Variants in SDK2 observed in about 807,000 individuals in gnomAD.
SDK2 encodes sidekick cell adhesion molecule 2, also known as protein sidekick-2.
Under a neutral mutation model 253.9 loss-of-function variants are expected in SDK2, and 105 were observed. The ratio of observed to expected loss-of-function variants is 0.41; its 90% CI spans 0.35 to 0.49. The LOEUF (loss-of-function observed/expected upper bound fraction) is 0.49. Ranked by LOEUF, SDK2 falls within the 20% of genes least tolerant of loss-of-function variation. The pLI is 0.06. For synonymous variants in SDK2, 1,249 were observed against 1,234.9 expected (o/e 1.01, Z -0.24); for missense variants, 2,608 against 3,003.0 (o/e 0.87, Z 3.07).
intron 2 of SDK2, among the ~76,000 whole-genome samples, chr17:73,494,847 G>A (rs1020813130): frequency 4.6e-5 from 7 of 152,214 alleles, no homozygotes; most frequent in African/African-American, 7.2e-5. Flanking sequence ...GTGGGGGCAC[G>A]GGCTGCGTGC....
rs1202299717 is a variant in SDK2, at chr17:73,612,196, C to A, written c.64+31829G>T. Among the ~76,000 whole-genome samples, 1 of 152,222 alleles carries A rather than the reference C, an allele frequency of 6.6e-6. No homozygotes were observed. The highest frequency in any genetic ancestry group is 2.4e-5 in the African/African-American group (1 of 41,450). On this transcript the variant is annotated intron_variant, in intron 1 of 44. Transcript: ENST00000392650. The surrounding 1 kb of genome is among the most constrained non-coding windows in gnomAD (Gnocchi z 4.4). ...GCGAGGAAAGATAAATGCAAGTACA[C>A]CACAGTGGTGGCCCAGCTGCACCCG...
At chr17:73,480,678 G>A (rs994576445) in intron 2 of SDK2, among the ~76,000 whole-genome samples, 2 of 152,116 alleles carry the variant, frequency 1.3e-5, no homozygotes, top group South Asian at 4.1e-4. Context: ...GAGATCTAGG[G>A]AGAAAGAGAG....
intron 3 of SDK2, among the ~76,000 whole-genome samples, chr17:73,456,491 G>A (rs895199135): frequency 2.6e-5 from 4 of 152,104 alleles, no homozygotes; most frequent in South Asian, 2.1e-4. Context: ...TCAGCATGGC[G>A]GGGGTTCCTG....
chr17:73,608,235 C>T (rs567023731), intron 1 of SDK2, among the ~76,000 whole-genome samples: 1 of 152,044 alleles, frequency 6.6e-6, no homozygotes, highest in South Asian at 2.1e-4. Flanking sequence ...GTAGACTGTC[C>T]CTCCCTTTAT....
intron 3 of SDK2, among the ~76,000 whole-genome samples, chr17:73,468,680 T>A (rs2063621391): frequency 6.7e-6 from 1 of 148,728 alleles, no homozygotes. Context: ...CCTGGCTAAT[T>A]TTTTTTTTAA....
intron 27 of SDK2, among the ~76,000 whole-genome samples, chr17:73,392,776 A>G (rs1447231190): frequency 6.6e-6 from 1 of 151,650 alleles, no homozygotes; most frequent in Non-Finnish European, 1.5e-5. Context: ...GTGCGGGGAG[A>G]TAGGAGGGGG....
intron 1 of SDK2, among the ~76,000 whole-genome samples, chr17:73,548,734 G>C (rs562116489): frequency 1.5e-3 from 221 of 152,350 alleles, no homozygotes; most frequent in Non-Finnish European, 2.4e-3. Flanking sequence ...CACACTGTCT[G>C]GGGGAAGTAG....
chr17:73,628,385 A>G (rs1398274132), intron 1 of SDK2, among the ~76,000 whole-genome samples: 2 of 152,228 alleles, frequency 1.3e-5, no homozygotes, highest in East Asian at 1.9e-4. Flanking sequence ...ATAATGGGAA[A>G]ATATGCTTCC....
At chr17:73,553,539 C>T (rs1157618531) in intron 1 of SDK2, among the ~76,000 whole-genome samples, 1 of 152,152 alleles carries the variant, frequency 6.6e-6, no homozygotes. Flanking sequence ...CAGGGAGCTG[C>T]CCTCTCAGAA....
intron 1 of SDK2, among the ~76,000 whole-genome samples, chr17:73,521,694 T>C (rs1383061060): frequency 6.6e-6 from 1 of 152,168 alleles, no homozygotes; most frequent in East Asian, 1.9e-4. Context: ...GCCTTGGTTT[T>C]GCTAGAGGAT....
chr17:73,597,522 T>C (rs1251027584), intron 1 of SDK2, among the ~76,000 whole-genome samples: 1 of 152,202 alleles, frequency 6.6e-6, no homozygotes, highest in Non-Finnish European at 1.5e-5. Context: ...CTATGGACAT[T>C]ACCGTCCTGT....
intron 1 of SDK2, among the ~76,000 whole-genome samples, chr17:73,525,439 T>C (rs2064118016): frequency 6.6e-6 from 1 of 152,052 alleles, no homozygotes; most frequent in African/African-American, 2.4e-5. Context: ...TAAATTAATA[T>C]AATAGGGTGC....
chr17:73,414,627 G>T lies in SDK2; in HGVS notation c.2484+17C>A, dbSNP rs965560881. On this transcript the variant is annotated intron_variant, in intron 18 of 44. Coordinates refer to ENST00000392650, the MANE Select transcript of SDK2 (RefSeq NM_001144952.2). Reference sequence around the variant, plus strand: ...GATCTTAGGGCCTCCTCTTGGGTGAGGAGATGCCTCATGTACCTTGTAGCC... The same window carrying T: ...GATCTTAGGGCCTCCTCTTGGGTGATGAGATGCCTCATGTACCTTGTAGCC... 1.9e-6 allele frequency: 3 copies of T among 1,596,056 alleles called. No homozygotes were observed. Among genetic ancestry groups the T allele is most frequent in the East Asian group, 2.2e-5 (1 of 44,760 alleles).
At chr17:73,345,179 T>C (rs1269768769) in intron 44 of SDK2, among the ~76,000 whole-genome samples, 1 of 151,992 alleles carries the variant, frequency 6.6e-6, no homozygotes, top group Admixed American at 6.6e-5. Context: ...ATTAGCTTGG[T>C]GTGGTGGTAG....
At chr17:73,516,009 G>A (rs746955885) in intron 1 of SDK2, among the ~76,000 whole-genome samples, 6 of 152,224 alleles carry the variant, frequency 3.9e-5, no homozygotes, top group Non-Finnish European at 8.8e-5. Context: ...GATGGGGAAA[G>A]AGGGGCAGGG....
At chr17:73,375,865 AAG>A (rs1422110601) in intron 36 of SDK2, among the ~76,000 whole-genome samples, 1 of 51,442 alleles carries the variant, frequency 1.9e-5, no homozygotes, top group South Asian at 7.2e-4. Context: ...CAGGAAAAAA[AAG>A]AAAGAAAGAA....
At chr17:73,578,268 T>C (rs570865438) in intron 1 of SDK2, among the ~76,000 whole-genome samples, 1 of 152,262 alleles carries the variant, frequency 6.6e-6, no homozygotes, top group East Asian at 1.9e-4. Flanking sequence ...TTTCACCATG[T>C]TGGGCAGACT....
chr17:73,457,272 TTCCTTCCTTCCTTCC>T (rs1599584468), intron 3 of SDK2, among the ~76,000 whole-genome samples: 13 of 45,668 alleles, frequency 2.8e-4, no homozygotes, highest in South Asian at 2.4e-3. Flanking sequence ...CCTTCCTTCC[TTCCTTCCTTCCTTCC>T]CCCCTCCCTC....
intron 18 of SDK2, among the ~76,000 whole-genome samples, chr17:73,402,891 G>A (rs1346443955): frequency 2.0e-5 from 3 of 152,078 alleles, no homozygotes; most frequent in Non-Finnish European, 4.4e-5. Flanking sequence ...TCTGCCTCCC[G>A]GGTTCAAGTG....
Sources: allele counts gnomAD v4.1 joint callset (sites outside exome capture counted in the v4.1 genomes callset), GRCh38; gene constraint gnomAD v4.1.1; non-coding constraint Gnocchi (gnomAD v3.1); transcripts MANE v1.5; gene names NCBI Gene and HGNC (gene_info 2026-07-23, HGNC 2026-07-21).